The following PCDHGC3 variants were observed in gnomAD, a reference collection of about 807,000 sequenced individuals.
The protein encoded by PCDHGC3 is protocadherin gamma subfamily C, 3.
PCDHGC3 carries 26 observed loss-of-function variants against 59.2 expected under a neutral mutation model. That is an observed-to-expected ratio of 0.44 (90% CI 0.32 to 0.61). The LOEUF is 0.61. Ranked by LOEUF, PCDHGC3 falls within the 20% of genes least tolerant of loss-of-function variation. The pLI is 0.05. For missense variants in PCDHGC3, 1,080 were observed against 1,221.8 expected (o/e 0.88, Z 1.73); for synonymous variants, 487 against 519.7 (o/e 0.94, Z 0.86).
intron 2 of PCDHGC3, among the ~76,000 whole-genome samples, chr5:141,497,661 T>A (rs1485909952): frequency 3.3e-5 from 5 of 151,062 alleles, no homozygotes; most frequent in African/African-American, 4.9e-5. Context: ...TGCCTCAGCC[T>A]CCCGAGTAGC....
At chr5:141,505,538 T>C in intron 3 of PCDHGC3, 57 bp downstream of exon 3, 1 of 1,610,262 alleles carries the variant, frequency 6.2e-7, no homozygotes, top group Non-Finnish European at 8.5e-7. Context: ...CTGGGGTGCA[T>C]CTCACAGCCA....
In PCDHGC3 at chr5:141,487,761, C is replaced by T. The variant is rs1331182183; in HGVS notation, c.2431-7046C>T. Reference sequence around the variant, plus strand: ...GTAAGAGGTAACTATGTGGTAGACGCTGTGCTTTGTAACTGTTTCGTGAAT... The same window carrying T: ...GTAAGAGGTAACTATGTGGTAGACGTTGTGCTTTGTAACTGTTTCGTGAAT... On this transcript the variant is annotated intron_variant, in intron 1 of 3. Coordinates refer to ENST00000308177, the MANE Select transcript of PCDHGC3 (RefSeq NM_002588.4). The surrounding 1 kb of genome is among the most constrained non-coding windows in gnomAD (Gnocchi z 5.0). 3.2e-6 allele frequency: 5 copies of T among 1,545,926 alleles called. No individual in the cohort carries two copies. Among genetic ancestry groups the T allele is most frequent in the South Asian group, 1.2e-5 (1 of 83,534 alleles).
chr5:141,501,618 T>G (rs1307485559), intron 2 of PCDHGC3, among the ~76,000 whole-genome samples: 2 of 152,068 alleles, frequency 1.3e-5, no homozygotes, highest in African/African-American at 4.8e-5. Flanking sequence ...GTGACTCTGG[T>G]ATAGTCTCTC....
At position 141,477,886 on chromosome 5, in the gene PCDHGC3, G is replaced by A. The variant is rs2099422999; in HGVS notation, c.1770G>A (p.Val590=). 2 of 1,614,188 alleles carry A rather than the reference G, an allele frequency of 1.2e-6. No homozygotes were observed. The highest frequency in any genetic ancestry group is 1.7e-6 in the Non-Finnish European group (2 of 1,180,040). ...GAGGTACCTCAGCTGGCCACCTAGT[G>A]TCACGGGTGGTAGGCTGGGACGCGG... The part of the protein sequence containing the change: ...LPRGTSAGHL[V]SRVVGWDADA... Residue 590 remains valine (V), a synonymous_variant, in exon 1 of 4, where the codon GTG becomes GTA. Transcript: ENST00000308177. The surrounding 1 kb of genome is among the most constrained non-coding windows in gnomAD (Gnocchi z 4.9).
rs995968509 is a variant in PCDHGC3, at chr5:141,477,065, C to T, written c.949C>T (p.Leu317Phe). Reference protein sequence around the residue: ...KGRLDFEDTKLHEIYIQAKDK... With the variant: ...KGRLDFEDTKFHEIYIQAKDK... ...TCGGCTGGACTTCGAGGACACCAAA[C>T]TCCATGAGATTTACATCCAGGCCAA... Residue 317 changes from leucine (L) to phenylalanine (F), a missense_variant, in exon 1 of 4, where the codon CTC becomes TTC. By Grantham distance (22) the Leu-to-Phe change is conservative. Coordinates refer to ENST00000308177, the MANE Select transcript of PCDHGC3 (RefSeq NM_002588.4). The surrounding 1 kb of genome is among the most constrained non-coding windows in gnomAD (Gnocchi z 4.9). 15 of 1,614,144 alleles carry T rather than the reference C, an allele frequency of 9.3e-6. No homozygotes were observed. The highest frequency in any genetic ancestry group is 3.3e-5 in the Admixed American group (2 of 60,018).
chr5:141,511,230 C>A lies in PCDHGC3; in HGVS notation c.*57C>A. On this transcript the variant is annotated 3_prime_UTR_variant, in exon 4 of 4. Transcript: ENST00000308177. ...CCTCTCCCCAACCAGCCCAGCTTCT[C>A]CTTACCTGCACCCAGGCCTCAGAGT... 6.3e-7 allele frequency: 1 copy of A among 1,597,914 alleles called. No homozygotes were observed. The highest frequency in any genetic ancestry group is 1.1e-5 in the South Asian group (1 of 89,144).
At position 141,491,289 on chromosome 5, in the gene PCDHGC3, C is replaced by T. The variant is rs2099710219; in HGVS notation, c.2431-3518C>T. ...CCAAATCCAGTGACTTCCTCATACA[C>T]CCTCCTGAGCGTTCAGACCTTACCC... On this transcript the variant is annotated intron_variant, in intron 1 of 3. Transcript: ENST00000308177. The surrounding 1 kb of genome is among the most constrained non-coding windows in gnomAD (Gnocchi z 6.9). 2 of 1,614,112 alleles carry T rather than the reference C, an allele frequency of 1.2e-6. No homozygotes were observed. The highest frequency in any genetic ancestry group is 1.7e-6 in the Non-Finnish European group (2 of 1,179,942).
At position 141,478,040 on chromosome 5, in the gene PCDHGC3, C is replaced by G. The variant is rs773058963; in HGVS notation, c.1924C>G (p.Gln642Glu). 1 of 1,614,160 alleles carries G rather than the reference C, an allele frequency of 6.2e-7. No individual in the cohort carries two copies. Among genetic ancestry groups the G allele is most frequent in the Non-Finnish European group, 8.5e-7 (1 of 1,180,036 alleles). Residue 642 changes from glutamine (Q) to glutamate (E), a missense_variant, in exon 1 of 4, where the codon CAG becomes GAG. Transcript: ENST00000308177. ...RPVQDTDSPR[Q>E]TLTVLIKDNG... Reference sequence around the variant, plus strand: ...AGTCCAAGACACAGATTCACCCAGGCAGACTCTCACGGTCTTGATCAAAGA... The same window carrying G: ...AGTCCAAGACACAGATTCACCCAGGGAGACTCTCACGGTCTTGATCAAAGA...
chr5:141,489,220 C>G lies in PCDHGC3; in HGVS notation c.2431-5587C>G. The G allele has an allele frequency of 6.6e-7, 1 of 1,508,698 alleles. No individual in the cohort carries two copies. Among genetic ancestry groups the G allele is most frequent in the South Asian group, 1.3e-5 (1 of 75,604 alleles). The allele number at this position is 1,508,698 out of a possible 1,614,324, so 93.5% of individuals were successfully genotyped here. A position where few individuals can be genotyped will look rare whatever the true frequency, so the allele number is the denominator to read the frequency against. ...AGACAGGACAGCACAGACTTACTCT[C>G]CACAAAGGGACTTCTGGGTCATGGG... On this transcript the variant is annotated intron_variant, in intron 1 of 3. Transcript: ENST00000308177. The surrounding 1 kb of genome is among the most constrained non-coding windows in gnomAD (Gnocchi z 4.5).
chr5:141,498,919 CG>C (rs2099786825), intron 2 of PCDHGC3, among the ~76,000 whole-genome samples: 1 of 122,240 alleles, frequency 8.2e-6, no homozygotes, highest in African/African-American at 3.1e-5. Context: ...GGTGACAGAG[CG>C]AGACTCCATC....
At position 141,477,961 on chromosome 5, in the gene PCDHGC3, C is replaced by G. The variant is rs199947431; in HGVS notation, c.1845C>G (p.Asn615Lys). Residue 615 changes from asparagine to lysine, a missense_variant, in exon 1 of 4, where the codon AAC (asparagine) becomes AAG (lysine). Transcript: ENST00000308177. The surrounding 1 kb of genome is among the most constrained non-coding windows in gnomAD (Gnocchi z 4.9). ...CCTACAGTCTCTTGGGATCCCCTAA[C>G]CAGAGCCTTTTTGCCATAGGGCTGC... ...WLSYSLLGSPNQSLFAIGLHT... is the reference protein window; with the variant it reads ...WLSYSLLGSPKQSLFAIGLHT... 10 of 1,614,166 alleles carry G rather than the reference C, an allele frequency of 6.2e-6. No individual in the cohort carries two copies. Among genetic ancestry groups the G allele is most frequent in the Middle Eastern group, 3.3e-4 (2 of 6,062 alleles).
Position 141,477,337 on chromosome 5 carries a change from C to T in PCDHGC3, c.1221C>T (p.Phe407=). ...FSLTSSLKNY[F]TLKTSADLDR... is the part of the protein sequence containing the mutation. ...TTACTTCTTCCCTCAAGAATTACTT[C>T]ACTTTGAAAACCAGTGCAGACCTGG... Residue 407 remains phenylalanine (F), a synonymous_variant, in exon 1 of 4, where the codon TTC becomes TTT. Transcript: ENST00000308177. The surrounding 1 kb of genome is among the most constrained non-coding windows in gnomAD (Gnocchi z 4.9). The T allele has an allele frequency of 1.2e-6, 2 of 1,614,166 alleles. No individual in the cohort carries two copies. Among genetic ancestry groups the T allele is most frequent in the Non-Finnish European group, 1.7e-6 (2 of 1,180,028 alleles).
At position 141,512,348 on chromosome 5, in the gene PCDHGC3, G is replaced by C. The variant is rs1172891268; in HGVS notation, c.*1175G>C. 4 of 152,886 alleles carry C rather than the reference G, an allele frequency of 2.6e-5. No homozygotes were observed. The highest frequency in any genetic ancestry group is 9.6e-5 in the African/African-American group (4 of 41,462). The allele number at this position is 152,886 out of a possible 1,614,324, so 9.5% of individuals were successfully genotyped here. A position where few individuals can be genotyped will look rare whatever the true frequency, so the allele number is the denominator to read the frequency against. ...GGCCATTCTTAGTCCCTGGGTTGGG[G>C]AGGCAGGGAGCTAGGGCAGGGACCA... On this transcript the variant is annotated 3_prime_UTR_variant, in exon 4 of 4. Transcript: ENST00000308177.
rs115565444 is a variant in PCDHGC3, at chr5:141,487,520, G to A, written c.2431-7287G>A. On this transcript the variant is annotated intron_variant, in intron 1 of 3. Transcript: ENST00000308177. This position sits in a 1 kb window ranked among gnomAD's most constrained non-coding sequence, Gnocchi z 5.0. ...CTTGGCTTCTGCACCCACTCGGAGT[G>A]ATAGCTTCATGATGGTGAAGTCACC... is the stretch of plus-strand genomic sequence containing the variant. The A allele has an allele frequency of 3.3e-4, 540 of 1,614,166 alleles. 6 individuals carry two copies. The East Asian group carries it at 8.7e-3, about 26-fold the overall frequency.
At position 141,477,592 on chromosome 5, in the gene PCDHGC3, T is replaced by G; in HGVS notation, c.1476T>G (p.Leu492=). Residue 492 remains leucine (L), a synonymous_variant, in exon 1 of 4, where the codon CTT becomes CTG. Coordinates refer to ENST00000308177, the MANE Select transcript of PCDHGC3 (RefSeq NM_002588.4). The surrounding 1 kb of genome is among the most constrained non-coding windows in gnomAD (Gnocchi z 4.9). ...CCGACGCCCCGCAGAATGCTCGGCT[T>G]TCTTTCTTTCTCTTGGAGCAAGGAG... ...WDPDAPQNAR[L]SFFLLEQGAE... is the part of the protein sequence containing the mutation. The G allele has an allele frequency of 6.2e-7, 1 of 1,614,142 alleles. No homozygotes were observed. Among genetic ancestry groups the G allele is most frequent in the Non-Finnish European group, 8.5e-7 (1 of 1,180,014 alleles).
chr5:141,476,459 C>T lies in PCDHGC3; in HGVS notation c.343C>T (p.Pro115Ser). The change falls in exon 1 of 4, where the codon CCG becomes TCG. Residue 115 changes from proline to serine, a missense_variant. Pro to Ser is a moderately conservative substitution (Grantham distance 74). Coordinates refer to ENST00000308177, the MANE Select transcript of PCDHGC3 (RefSeq NM_002588.4). The surrounding 1 kb of genome is among the most constrained non-coding windows in gnomAD (Gnocchi z 7.6). ...TVTLELVVEN[P>S]LELFSVEVVI... ...AACTCTGGAGTTGGTAGTGGAGAACCCGCTGGAGCTGTTCAGCGTGGAAGT... is the reference window on the plus strand; with the variant it reads ...AACTCTGGAGTTGGTAGTGGAGAACTCGCTGGAGCTGTTCAGCGTGGAAGT... 6.2e-7 allele frequency: 1 copy of T among 1,614,048 alleles called. No individual in the cohort carries two copies. Among genetic ancestry groups the T allele is most frequent in the Non-Finnish European group, 8.5e-7 (1 of 1,180,006 alleles).
In PCDHGC3 at chr5:141,512,264, C is replaced by G. The variant is rs1453959730; in HGVS notation, c.*1091C>G. 6.5e-6 allele frequency: 1 copy of G among 152,684 alleles called. No homozygotes were observed. The highest frequency in any genetic ancestry group is 1.5e-5 in the Non-Finnish European group (1 of 68,096). 9.5% of individuals were successfully genotyped at this position (152,684 alleles called of 1,614,324 possible). ...GGGGCCTCTGTGGGTGCTGGGTACTCCAGAGGTGCCACTGGTGGAAGGGTC... is the reference window on the plus strand; with the variant it reads ...GGGGCCTCTGTGGGTGCTGGGTACTGCAGAGGTGCCACTGGTGGAAGGGTC... On this transcript the variant is annotated 3_prime_UTR_variant, in exon 4 of 4. Transcript: ENST00000308177.
chr5:141,509,086 A>T lies in PCDHGC3; in HGVS notation c.2579-1861A>T, dbSNP rs147084289. On this transcript the variant is annotated intron_variant, in intron 3 of 3. Coordinates refer to ENST00000308177, the MANE Select transcript of PCDHGC3 (RefSeq NM_002588.4). ...CAGCTCCGGGGATTTGCGACATGAAATGGGGGCTGTAGAAACCTGAGCGCT... is the reference window on the plus strand; with the variant it reads ...CAGCTCCGGGGATTTGCGACATGAATTGGGGGCTGTAGAAACCTGAGCGCT... 8.3e-3 allele frequency among the ~76,000 whole-genome samples: 1,261 copies of T among 152,228 alleles called. 7 individuals are homozygous for T. Among genetic ancestry groups the T allele is most frequent in the Middle Eastern group, 0.037 (11 of 294 alleles).
At position 141,494,826 on chromosome 5, in the gene PCDHGC3, A is replaced by C; in HGVS notation, c.2450A>C (p.Asp817Ala). The change falls in exon 2 of 4, where the codon GAC becomes GCC. Residue 817 changes from aspartate to alanine, a missense_variant. Asp to Ala is a moderately radical substitution (Grantham distance 126, BLOSUM62 -2). Transcript: ENST00000308177. The part of the protein sequence containing the change: ...PPGQQAPPNT[D>A]WRFSQAQRPG... ...CCACAGCAAGCCCCGCCCAACACGGACTGGCGTTTCTCTCAGGCCCAGAGA... is the reference window on the plus strand; with the variant it reads ...CCACAGCAAGCCCCGCCCAACACGGCCTGGCGTTTCTCTCAGGCCCAGAGA... 4 of 1,613,960 alleles carry C rather than the reference A, an allele frequency of 2.5e-6. No individual in the cohort carries two copies. Among genetic ancestry groups the C allele is most frequent in the Non-Finnish European group, 3.4e-6 (4 of 1,179,976 alleles).
Sources: gnomAD v4.1 joint callset for allele counts (sites outside exome capture counted in the v4.1 genomes callset) on GRCh38, gnomAD v4.1.1 for gene constraint, Gnocchi (gnomAD v3.1) non-coding constraint, MANE v1.5 for transcripts, NCBI Gene and HGNC (gene_info 2026-07-23, HGNC 2026-07-21) for gene names.